Variants in DFFB observed in about 807,000 individuals in gnomAD.
DFFB encodes the protein DNA fragmentation factor subunit beta.
In DFFB, 29 loss-of-function variants were observed where a neutral mutation model predicts 32.7. The observed-to-expected ratio is 0.89, with a 90% CI of 0.66 to 1.21. The LOEUF (loss-of-function observed/expected upper bound fraction) is 1.21. DFFB is among the 50% of genes most tolerant of loss of function. The probability of loss-of-function intolerance (pLI) is 0.00; values close to 1 mark genes in which losing one functional copy is unlikely to be tolerated. For synonymous variants in DFFB, 170 were observed against 177.1 expected (o/e 0.96, Z 0.32); for missense variants, 398 against 440.6 (o/e 0.90, Z 0.87).
intron 6 of DFFB, among the ~76,000 whole-genome samples, chr1:3,883,093 T>A (rs1645374465): frequency 6.6e-6 from 1 of 150,614 alleles, no homozygotes; most frequent in Non-Finnish European, 1.5e-5. Flanking sequence ...AACCTCCACC[T>A]CCAGGGTTCA....
chr1:3,859,536 C>G (rs1014567678), intron 2 of DFFB, among the ~76,000 whole-genome samples: 7 of 152,158 alleles, frequency 4.6e-5, no homozygotes, highest in African/African-American at 1.7e-4. Flanking sequence ...GGAGATGCTT[C>G]TGGCAGCCCA....
intron 1 of DFFB, among the ~76,000 whole-genome samples, chr1:3,858,232 TA>T (rs1020807180): frequency 1.5e-4 from 23 of 152,148 alleles, no homozygotes; most frequent in African/African-American, 5.5e-4. Flanking sequence ...ATAAAATGCC[TA>T]AAACTGACCA....
chr1:3,874,338 C>T (rs76397398), intron 6 of DFFB, among the ~76,000 whole-genome samples: 16 of 58,588 alleles, frequency 2.7e-4, no homozygotes, highest in Non-Finnish European at 3.4e-4. Context: ...TGGTGGCCCA[C>T]GCTGTGGTCT....
chr1:3,870,820 G>GGCAGTGGGAA (rs1056159055), intron 5 of DFFB, among the ~76,000 whole-genome samples: 1 of 151,918 alleles, frequency 6.6e-6, no homozygotes, highest in African/African-American at 2.4e-5. Context: ...CTCCGGGCAT[G>GGCAGTGGGAA]GCAGTGGGAA....
chr1:3,862,768 C>T (rs9786965), intron 2 of DFFB, among the ~76,000 whole-genome samples: 7 of 152,174 alleles, frequency 4.6e-5, no homozygotes, highest in East Asian at 3.8e-4. Flanking sequence ...AAGTCCTCAT[C>T]GCCTTGGATT....
At chr1:3,868,811 G>A (rs35265408) in intron 4 of DFFB, among the ~76,000 whole-genome samples, 15,819 of 152,058 alleles carry the variant, frequency 0.1, 885 homozygotes, top group East Asian at 0.22. Flanking sequence ...GCTGCCCTGC[G>A]TGGTCGGCCC....
intron 6 of DFFB, chr1:3,872,941 G>T (rs554940080): frequency 1.8e-5 from 22 of 1,224,328 alleles, no homozygotes; most frequent in African/African-American, 7.8e-5. Context: ...TTGAACCAGG[G>T]TGAGCTCAGA....
At position 3,865,850 on chromosome 1, in the gene DFFB, G is replaced by C. The variant is rs372200331; in HGVS notation, c.280G>C (p.Glu94Gln). Residue 94 changes from glutamate to glutamine, a missense_variant, in exon 3 of 7, where the codon GAG (glutamate) becomes CAG (glutamine). By Grantham distance (29) the Glu-to-Gln change is conservative (BLOSUM62 2). Coordinates refer to ENST00000378209, the MANE Select transcript of DFFB (RefSeq NM_004402.4). This position sits in a 1 kb window ranked among gnomAD's most constrained non-coding sequence, Gnocchi z 4.7. ...CAGGCGCTTCCTCAGTGCATTTCAC[G>C]AGCCACAGGTGGGGCTCATCCAGGC... ...DIRRFLSAFH[E>Q]PQVGLIQAAQ... 5.7e-5 allele frequency: 92 copies of C among 1,614,098 alleles called. 2 individuals carry two copies. In the South Asian group the frequency reaches 6.0e-4, roughly 11 times the overall value.
chr1:3,872,052 C>A (rs1228600465), intron 5 of DFFB, among the ~76,000 whole-genome samples: 2 of 152,222 alleles, frequency 1.3e-5, no homozygotes, highest in Non-Finnish European at 2.9e-5. Context: ...CTAGTGCTGA[C>A]ATTTCAACAT....
chr1:3,867,606 ACT>A, intron 3 of DFFB: 1 of 237,672 alleles, frequency 4.2e-6, no homozygotes, highest in Non-Finnish European at 8.4e-6. Flanking sequence ...TAATCCTAGC[ACT>A]TTGGGAGGCC....
At chr1:3,873,768 T>C (rs34108662) in intron 6 of DFFB, among the ~76,000 whole-genome samples, 21,409 of 152,096 alleles carry the variant, frequency 0.14, 1,495 homozygotes, top group South Asian at 0.17. Context: ...TGTGAGCCAC[T>C]GCATCCGGCC....
chr1:3,859,315 G>C (rs1321125149), intron 2 of DFFB, among the ~76,000 whole-genome samples: 1 of 152,118 alleles, frequency 6.6e-6, no homozygotes, highest in African/African-American at 2.4e-5. Context: ...CTCAAGTTTG[G>C]GGGCAATTGC....
At chr1:3,864,933 T>C (rs1008618574) in intron 2 of DFFB, among the ~76,000 whole-genome samples, 1 of 152,216 alleles carries the variant, frequency 6.6e-6, no homozygotes, top group Non-Finnish European at 1.5e-5. Context: ...CTTTTTCTAA[T>C]TGGCTTATTT....
Position 3,875,087 on chromosome 1 carries a change from C to T in DFFB, c.782+2515C>T, listed in dbSNP as rs555038686. Among the ~76,000 whole-genome samples, 9 of 152,338 alleles carry T rather than the reference C, an allele frequency of 5.9e-5. No homozygotes were observed. In the South Asian group the frequency reaches 6.2e-4, roughly 11 times the overall value. On this transcript the variant is annotated intron_variant, in intron 6 of 6. Transcript: ENST00000378209. Reference sequence around the variant, plus strand: ...GTTCATTGCATGCTGTGCTTAGATTCGGCATATTCATTTCAGCAGGTGCAG... The same window carrying T: ...GTTCATTGCATGCTGTGCTTAGATTTGGCATATTCATTTCAGCAGGTGCAG...
intron 3 of DFFB, 40 bp from the exon 4 acceptor site, chr1:3,867,934 C>T (rs771273194): frequency 1.2e-6 from 2 of 1,604,224 alleles, no homozygotes; most frequent in South Asian, 2.2e-5. Flanking sequence ...GGCCCCTGGC[C>T]TGCCCTGTGG....
chr1:3,861,052 G>T (rs1316850060), intron 2 of DFFB, among the ~76,000 whole-genome samples: 1 of 151,652 alleles, frequency 6.6e-6, no homozygotes, highest in Non-Finnish European at 1.5e-5. Flanking sequence ...TACTCAGGAG[G>T]CTGAGGCAGG....
intron 5 of DFFB, among the ~76,000 whole-genome samples, chr1:3,870,916 C>T (rs1645099725): frequency 6.6e-6 from 1 of 152,204 alleles, no homozygotes; most frequent in Non-Finnish European, 1.5e-5. Context: ...CCGGCACGTG[C>T]TCTGCAGATG....
intron 2 of DFFB, among the ~76,000 whole-genome samples, chr1:3,863,801 G>A (rs115867849): frequency 4.2e-3 from 639 of 152,190 alleles, no homozygotes; most frequent in African/African-American, 0.015. Context: ...ATGGAAAATA[G>A]ATTAGTGGTT....
At chr1:3,877,330 T>TTTTG (rs1045551668) in intron 6 of DFFB, among the ~76,000 whole-genome samples, 5 of 145,254 alleles carry the variant, frequency 3.4e-5, no homozygotes, top group Middle Eastern at 3.5e-3. Context: ...GGAGTTCAGT[T>TTTTG]TTTTTTTTTT....
Sources: allele counts gnomAD v4.1 joint callset (sites outside exome capture counted in the v4.1 genomes callset), GRCh38; gene constraint gnomAD v4.1.1; non-coding constraint Gnocchi (gnomAD v3.1); transcripts MANE v1.5; gene names NCBI Gene and HGNC (gene_info 2026-07-23, HGNC 2026-07-21).